Variants in WDR6 observed in about 807,000 individuals in gnomAD.
WDR6 encodes the protein tRNA (34-2'-O)-methyltransferase regulator WDR6.
WDR6 carries 58 observed loss-of-function variants against 85.6 expected under a neutral mutation model. The ratio of observed to expected loss-of-function variants is 0.68; its 90% CI spans 0.55 to 0.84. The LOEUF (loss-of-function observed/expected upper bound fraction) is 0.84, where lower values mean the gene tolerates loss of function less well. Ranked by LOEUF, WDR6 falls within the 40% of genes least tolerant of loss-of-function variation. WDR6 has a pLI of 0.00. For missense variants in WDR6, 1,310 were observed against 1,476.4 expected (o/e 0.89, Z 1.85); for synonymous variants, 569 against 582.2 (o/e 0.98, Z 0.33).
intron 1 of WDR6, chr3:49,011,339 A>G (rs1471947820): frequency 4.5e-6 from 4 of 896,498 alleles, no homozygotes; most frequent in East Asian, 8.7e-5. Flanking sequence ...TGGGCTTCCC[A>G]AAGTGCTAGG....
In WDR6 at chr3:49,012,400, T is replaced by A; in HGVS notation, c.866T>A (p.Ile289Asn). 6.2e-7 allele frequency: 1 copy of A among 1,614,048 alleles called. No homozygotes were observed. The highest frequency in any genetic ancestry group is 8.5e-7 in the Non-Finnish European group (1 of 1,180,006). ...VCLVWSHEGE[I>N]LQAFRGHQGR... ...TTGGTGTGGAGCCATGAAGGTGAGA[T>A]CCTCCAGGCCTTTCGGGGACACCAG... Residue 289 changes from isoleucine to asparagine, a missense_variant, in exon 2 of 6, where the codon ATC (isoleucine) becomes AAC (asparagine). Transcript: ENST00000608424. This position sits in a 1 kb window ranked among gnomAD's most constrained non-coding sequence, Gnocchi z 4.4.
In WDR6 at chr3:49,011,913, G is replaced by T; in HGVS notation, c.379G>T (p.Gly127Ter). The stretch of plus-strand genomic sequence containing the variant: ...GATTTGGGATGCACGCTGGCTTGAG[G>T]GAAATATAGCCTTGGCCCTGGGCCA... Reference protein sequence around the residue: ...DWIWDARWLEGNIALALGHNS... With the variant: ...DWIWDARWLE The change falls in exon 2 of 6, where the codon GGA becomes TGA. Residue 127 changes from glycine (G) to a stop codon, truncating the protein, a stop_gained. Transcript: ENST00000608424. LOFTEE classifies it high-confidence loss of function. 1.2e-6 allele frequency: 2 copies of T among 1,614,210 alleles called. No homozygotes were observed. The highest frequency in any genetic ancestry group is 1.7e-6 in the Non-Finnish European group (2 of 1,180,034).
chr3:49,011,318 A>G (rs2093013248), intron 1 of WDR6: 1 of 622,390 alleles, frequency 1.6e-6, no homozygotes, highest in African/African-American at 1.9e-5. Context: ...ACCTCAGGTG[A>G]TTCATCCGCC....
Position 49,007,633 on chromosome 3 carries a change from CG to C in WDR6, c.100+105del. 2 of 1,404,464 alleles carry C rather than the reference CG, an allele frequency of 1.4e-6. No individual in the cohort carries two copies. The highest frequency in any genetic ancestry group is 2.9e-5 in the Admixed American group (1 of 34,450). The allele number at this position is 1,404,464 out of a possible 1,614,324, so 87.0% of individuals were successfully genotyped here. A position where few individuals can be genotyped will look rare whatever the true frequency, so the allele number is the denominator to read the frequency against. On this transcript the variant is annotated intron_variant, in intron 1 of 5. Transcript: ENST00000608424. The surrounding 1 kb of genome is among the most constrained non-coding windows in gnomAD (Gnocchi z 5.1). Reference sequence around the variant, plus strand: ...AAAAGGGGTGCCCTGAGGAGAAGGACGGGCAGCAGGTTGAGGCCGATCGGAG... The same window carrying C: ...AAAAGGGGTGCCCTGAGGAGAAGGACGGCAGCAGGTTGAGGCCGATCGGAG...
At position 49,014,285 on chromosome 3, in the gene WDR6, G is replaced by A; in HGVS notation, c.2658G>A (p.Gly886=). Residue 886 remains glycine (G), a synonymous_variant, in exon 3 of 6, where the codon GGG becomes GGA. Transcript: ENST00000608424. The surrounding 1 kb of genome is among the most constrained non-coding windows in gnomAD (Gnocchi z 4.9). Reference sequence around the variant, plus strand: ...TTGTGGCTGCAGCCTGTAGTGATGGGGCCGTAAGGTGAGAGCATAGGGCCC... The same window carrying A: ...TTGTGGCTGCAGCCTGTAGTGATGGAGCCGTAAGGTGAGAGCATAGGGCCC... ...GPLVAAACSD[G]AVRLFLLQDS... The A allele has an allele frequency of 6.2e-7, 1 of 1,614,122 alleles. No homozygotes were observed.
Position 49,014,044 on chromosome 3 carries a change from C to A in WDR6, c.2510C>A (p.Ser837Tyr), listed in dbSNP as rs1241037865. ...RLACHVMHLS[S>Y]HRLDEYWDRQ... ...GCCTGCCATGTCATGCACCTTTCGT[C>A]CCACCGGCTAGATGAGTATTGGGAC... The change falls in exon 2 of 6, where the codon TCC becomes TAC. Residue 837 changes from serine (S) to tyrosine (Y), a missense_variant. By Grantham distance (144) the Ser-to-Tyr change is moderately radical. Transcript: ENST00000608424. The surrounding 1 kb of genome is among the most constrained non-coding windows in gnomAD (Gnocchi z 4.9). The A allele has an allele frequency of 1.2e-6, 2 of 1,612,644 alleles. No homozygotes were observed. Among genetic ancestry groups the A allele is most frequent in the African/African-American group, 1.3e-5 (1 of 74,906 alleles).
Position 49,009,196 on chromosome 3 carries a change from C to T in WDR6, c.100+1665C>T, listed in dbSNP as rs2093001652. On this transcript the variant is annotated intron_variant, in intron 1 of 5. Transcript: ENST00000608424. Reference sequence around the variant, plus strand: ...CATACCCGGCCTCTCTAGCCTCTTCCTGAGCTCTTCATTTCCTGTTCCATC... The same window carrying T: ...CATACCCGGCCTCTCTAGCCTCTTCTTGAGCTCTTCATTTCCTGTTCCATC... Among the ~76,000 whole-genome samples the T allele has an allele frequency of 1.3e-5, 2 of 152,012 alleles. 1 individual carries two copies. The highest frequency in any genetic ancestry group is 1.3e-4 in the Admixed American group (2 of 15,272).
At position 49,015,216 on chromosome 3, in the gene WDR6, TG is replaced by T. The variant is rs974005704; in HGVS notation, c.3295del (p.Val1099Ter). The T allele has an allele frequency of 6.2e-7, 1 of 1,613,604 alleles. No homozygotes were observed. Among genetic ancestry groups the T allele is most frequent in the African/African-American group, 1.3e-5 (1 of 74,934 alleles). ...PDVADMDCWP[V>X]SPEFGHRCAL... ...ATGTGGCTGACATGGACTGCTGGCC[TG>T]TGAGCCCTGAGTTTGGCCACCGTTG... On this transcript the variant is annotated frameshift_variant, in exon 6 of 6. Coordinates refer to ENST00000608424, the MANE Select transcript of WDR6 (RefSeq NM_018031.6). LOFTEE classifies it high-confidence loss of function.
At chr3:49,011,425 T>C (rs1323897612) in intron 1 of WDR6, 1 of 1,473,704 alleles carries the variant, frequency 6.8e-7, no homozygotes, top group Middle Eastern at 2.2e-4. Flanking sequence ...AGACAGAGTC[T>C]GGCTTTGGCT....
Position 49,015,935 on chromosome 3 carries a change from G to GAA in WDR6, c.*648_*649dup. ...CTCTTGTGCCCCAGGCCAGAATAAA[G>GAA]AATAGAGTGTAGAGTGTCCTGGTTG... On this transcript the variant is annotated 3_prime_UTR_variant, in exon 6 of 6. Coordinates refer to ENST00000608424, the MANE Select transcript of WDR6 (RefSeq NM_018031.6). The GAA allele has an allele frequency of 1.2e-6, 2 of 1,614,164 alleles. No individual in the cohort carries two copies. The highest frequency in any genetic ancestry group is 1.7e-6 in the Non-Finnish European group (2 of 1,180,024).
At position 49,013,751 on chromosome 3, in the gene WDR6, G is replaced by A. The variant is rs112203033; in HGVS notation, c.2217G>A (p.Leu739=). 32 of 1,613,968 alleles carry A rather than the reference G, an allele frequency of 2.0e-5. No homozygotes were observed. In the African/African-American group the frequency reaches 2.0e-4, roughly 10 times the overall value. Residue 739 remains leucine (L), a synonymous_variant, in exon 2 of 6, where the codon TTG becomes TTA. Transcript: ENST00000608424. The surrounding 1 kb of genome is among the most constrained non-coding windows in gnomAD (Gnocchi z 4.6). ...DLEPGSEGPD[L]TDIVITCSED... is the part of the protein sequence containing the mutation. ...AGCCTGGCAGTGAGGGGCCCGACTT[G>A]ACTGACATTGTGATCACATGTAGTG...
At position 49,012,584 on chromosome 3, in the gene WDR6, A is replaced by T; in HGVS notation, c.1050A>T (p.Thr350=). The T allele has an allele frequency of 2.5e-6, 4 of 1,613,886 alleles. No individual in the cohort carries two copies. The highest frequency in any genetic ancestry group is 1.3e-5 in the African/African-American group (1 of 74,944). Residue 350 remains threonine (T), a synonymous_variant, in exon 2 of 6, where the codon ACA becomes ACT. Coordinates refer to ENST00000608424, the MANE Select transcript of WDR6 (RefSeq NM_018031.6). The surrounding 1 kb of genome is among the most constrained non-coding windows in gnomAD (Gnocchi z 4.4). The part of the protein sequence containing the change: ...LCFKSRSRPG[T]LKAVTLAGSW... ...TCAAGTCCCGTAGTAGGCCAGGTAC[A>T]CTCAAGGCTGTGACTCTGGCTGGCT...
intron 1 of WDR6, chr3:49,008,148 AGCAGGGGC>A (rs1195528801): frequency 6.6e-6 from 1 of 152,490 alleles, no homozygotes; most frequent in East Asian, 1.9e-4. Flanking sequence ...TGCCCGGGGA[AGCAGGGGC>A]TGAGACCCCC....
Position 49,012,954 on chromosome 3 carries a change from A to C in WDR6, c.1420A>C (p.Lys474Gln). The change falls in exon 2 of 6, where the codon AAG (lysine) becomes CAG (glutamine). Residue 474 changes from lysine (K) to glutamine (Q), a missense_variant. Coordinates refer to ENST00000608424, the MANE Select transcript of WDR6 (RefSeq NM_018031.6). The surrounding 1 kb of genome is among the most constrained non-coding windows in gnomAD (Gnocchi z 4.4). ...CLEISAAPSG[K>Q]AIFVKERCRY... ...AGAGATCTCAGCCGCACCCTCTGGC[A>C]AGGCCATCTTTGTCAAGGAACGTTG... 5 of 1,613,900 alleles carry C rather than the reference A, an allele frequency of 3.1e-6. No individual in the cohort carries two copies. Among genetic ancestry groups the C allele is most frequent in the Non-Finnish European group, 4.2e-6 (5 of 1,179,966 alleles).
rs2093021437 is a variant in WDR6 at position 49,012,371 on chromosome 3, C to T, written c.837C>T (p.Val279=). 6 of 1,614,138 alleles carry T rather than the reference C, an allele frequency of 3.7e-6. No homozygotes were observed. The highest frequency in any genetic ancestry group is 1.6e-4 in the Middle Eastern group (1 of 6,062). ...NYLISAGEDC[V]CLVWSHEGEI... ...TTATCAGTGCAGGAGAGGATTGTGT[C>T]TGCTTGGTGTGGAGCCATGAAGGTG... The change falls in exon 2 of 6, where the codon GTC becomes GTT. Residue 279 remains valine, a synonymous_variant. Coordinates refer to ENST00000608424, the MANE Select transcript of WDR6 (RefSeq NM_018031.6). The surrounding 1 kb of genome is among the most constrained non-coding windows in gnomAD (Gnocchi z 4.4).
At chr3:49,010,666 C>T (rs1278529245) in intron 1 of WDR6, among the ~76,000 whole-genome samples, 6 of 151,758 alleles carry the variant, frequency 4.0e-5, no homozygotes, top group African/African-American at 7.3e-5. Context: ...CTGGCTAACA[C>T]GGTGAAACCC....
chr3:49,014,575 C>T lies in WDR6; in HGVS notation c.2784-25C>T, dbSNP rs374370166. On this transcript the variant is annotated intron_variant, in intron 4 of 5. Transcript: ENST00000608424. This position sits in a 1 kb window ranked among gnomAD's most constrained non-coding sequence, Gnocchi z 4.9. ...GTTGAGCTTCATCTCTGTTATTGAC[C>T]AGGCTGTCTTTTCCTGGCTCTCAGG... The T allele has an allele frequency of 3.0e-5, 49 of 1,613,374 alleles. No individual in the cohort carries two copies. Among genetic ancestry groups the T allele is most frequent in the Non-Finnish European group, 3.7e-5 (44 of 1,179,770 alleles).
Position 49,013,064 on chromosome 3 carries a change from C to T in WDR6, c.1530C>T (p.Asp510=), listed in dbSNP as rs1246537085. The change falls in exon 2 of 6, where the codon GAC becomes GAT. Residue 510 remains aspartate, a synonymous_variant. Transcript: ENST00000608424. The surrounding 1 kb of genome is among the most constrained non-coding windows in gnomAD (Gnocchi z 4.6). The part of the protein sequence containing the change: ...LPPGDFLVCG[D]RRGSVLLFPS... ...CAGGTGACTTCCTGGTGTGTGGTGACCGCCGGGGCTCTGTGCTGCTATTCC... is the reference window on the plus strand; with the variant it reads ...CAGGTGACTTCCTGGTGTGTGGTGATCGCCGGGGCTCTGTGCTGCTATTCC... 3 of 1,611,388 alleles carry T rather than the reference C, an allele frequency of 1.9e-6. No individual in the cohort carries two copies. The highest frequency in any genetic ancestry group is 2.5e-6 in the Non-Finnish European group (3 of 1,178,276).
chr3:49,011,032 A>C, intron 1 of WDR6: 1 of 432,320 alleles, frequency 2.3e-6, no homozygotes, highest in Non-Finnish European at 4.5e-6. Context: ...AAAAAGAATG[A>C]CTGATGAGGG....
Sources: allele counts gnomAD v4.1 joint callset (sites outside exome capture counted in the v4.1 genomes callset), GRCh38; gene constraint gnomAD v4.1.1; non-coding constraint Gnocchi (gnomAD v3.1); transcripts MANE v1.5; gene names NCBI Gene and HGNC (gene_info 2026-07-23, HGNC 2026-07-21).